Variants in MAP7 observed in about 807,000 individuals in gnomAD.
MAP7 encodes microtubule associated protein 7.
Under a neutral mutation model 94.8 loss-of-function variants are expected in MAP7, and 52 were observed. The ratio of observed to expected loss-of-function variants is 0.55; its 90% CI spans 0.44 to 0.69. The LOEUF is 0.69. Ranked by LOEUF, MAP7 falls within the 30% of genes least tolerant of loss-of-function variation. The pLI is 0.00. For missense variants in MAP7, 940 were observed against 964.6 expected, an observed-to-expected ratio of 0.97 and a Z score of 0.34; for synonymous variants, 350 against 357.0, an observed-to-expected ratio of 0.98 and a Z score of 0.22.
intron 1 of MAP7, among the ~76,000 whole-genome samples, chr6:136,453,061 T>C (rs1162899030): frequency 6.6e-6 from 1 of 152,200 alleles, no homozygotes; most frequent in Non-Finnish European, 1.5e-5. Flanking sequence ...TCAGTTGGTA[T>C]TCCCTAGGCA....
chr6:136,489,530 T>TA, intron 1 of MAP7, among the ~76,000 whole-genome samples: 1 of 137,160 alleles, frequency 7.3e-6, no homozygotes, highest in Admixed American at 7.3e-5. Context: ...AGGTTTCTTT[T>TA]TTTTTTTTTT....
intron 1 of MAP7, among the ~76,000 whole-genome samples, chr6:136,518,952 T>C (rs1207580825): frequency 1.3e-5 from 2 of 152,362 alleles, no homozygotes; most frequent in South Asian, 2.1e-4. Flanking sequence ...TTTAGTTTTA[T>C]ATAGCAAGCA....
rs2179289 is a variant in MAP7 at position 136,387,536 on chromosome 6, T to C, written c.526+857A>G. Among the ~76,000 whole-genome samples, 1,106 of 152,250 alleles carry C rather than the reference T, an allele frequency of 7.3e-3. 20 individuals are homozygous for C. Among genetic ancestry groups the C allele is most frequent in the East Asian group, 0.039 (204 of 5,182 alleles). On this transcript the variant is annotated intron_variant, in intron 5 of 17. Coordinates refer to ENST00000354570, the MANE Select transcript of MAP7 (RefSeq NM_003980.6). ...CATGCGTTGATGACTAAGGTGGTGATGCTTCAGCTATTGATGCATCGGCCC... is the reference window on the plus strand; with the variant it reads ...CATGCGTTGATGACTAAGGTGGTGACGCTTCAGCTATTGATGCATCGGCCC...
chr6:136,365,789 C>G lies in MAP7; in HGVS notation c.1219G>C (p.Val407Leu). 1 of 1,614,138 alleles carries G rather than the reference C, an allele frequency of 6.2e-7. No individual in the cohort carries two copies. The highest frequency in any genetic ancestry group is 8.5e-7 in the Non-Finnish European group (1 of 1,180,044). The change falls in exon 10 of 18, where the codon GTA (valine) becomes CTA (leucine). Residue 407 changes from valine (V) to leucine (L), a missense_variant. Coordinates refer to ENST00000354570, the MANE Select transcript of MAP7 (RefSeq NM_003980.6). ...SLKGRAPLVK[V>L]EEATVEERTP... ...CGCTCTTCAACTGTGGCTTCTTCTACCTTCACTAAAGGTGCTCTGCCCTTT... is the reference window on the plus strand; with the variant it reads ...CGCTCTTCAACTGTGGCTTCTTCTAGCTTCACTAAAGGTGCTCTGCCCTTT...
At chr6:136,354,437 T>TATATATAGATATATATAAAA (rs1790258623) in intron 16 of MAP7, among the ~76,000 whole-genome samples, 1 of 143,700 alleles carries the variant, frequency 7.0e-6, no homozygotes, top group African/African-American at 2.6e-5. Context: ...ATAGTAGATA[T>TATATATAGATATATATAAAA]ATATATATAG....
intron 1 of MAP7, among the ~76,000 whole-genome samples, chr6:136,454,272 G>GATCGATCGATCTATCTATCTATCT (rs1554258958): frequency 1.4e-5 from 2 of 141,350 alleles, no homozygotes; most frequent in African/African-American, 5.4e-5. Flanking sequence ...CTACCTAAAT[G>GATCGATCGATCTATCTATCTATCT]ATCTATCTAT....
intron 8 of MAP7, among the ~76,000 whole-genome samples, chr6:136,370,306 G>A (rs1774055897): frequency 6.6e-6 from 1 of 152,192 alleles, no homozygotes; most frequent in South Asian, 2.1e-4. Context: ...AAATCTTTGT[G>A]CACTGTTAGT....
intron 1 of MAP7, among the ~76,000 whole-genome samples, chr6:136,458,256 G>A (rs142823863): frequency 2.6e-5 from 4 of 152,102 alleles, no homozygotes; most frequent in Admixed American, 6.6e-5. Flanking sequence ...ATCATAAAAC[G>A]TTGATTAAAG....
intron 13 of MAP7, 57 bp from the exon 14 acceptor site, chr6:136,360,088 G>T: frequency 1.5e-6 from 2 of 1,367,994 alleles, no homozygotes; most frequent in Admixed American, 2.0e-5. Flanking sequence ...AGCCAGCCTG[G>T]CATATTTAAC....
rs1426488352 is a variant in MAP7 at position 136,485,786 on chromosome 6, T to C, written c.68-63987A>G. On this transcript the variant is annotated intron_variant, in intron 1 of 17. Coordinates refer to ENST00000354570, the MANE Select transcript of MAP7 (RefSeq NM_003980.6). Reference sequence around the variant, plus strand: ...ACCATTTTAACCGGGATGGTCTCGATCTCCTGACCTCGTGATCCGCCCGCC... The same window carrying C: ...ACCATTTTAACCGGGATGGTCTCGACCTCCTGACCTCGTGATCCGCCCGCC... 1.3e-5 allele frequency among the ~76,000 whole-genome samples: 2 copies of C among 151,860 alleles called. 1 individual carries two copies. The highest frequency in any genetic ancestry group is 1.3e-4 in the Admixed American group (2 of 15,254).
intron 3 of MAP7, among the ~76,000 whole-genome samples, chr6:136,407,156 T>A (rs1390529230): frequency 6.6e-6 from 1 of 152,176 alleles, no homozygotes; most frequent in African/African-American, 2.4e-5. Flanking sequence ...CACTGAAGAT[T>A]GTAGAGTAAG....
intron 2 of MAP7, among the ~76,000 whole-genome samples, chr6:136,419,150 A>G (rs768405852): frequency 7.9e-5 from 12 of 152,246 alleles, no homozygotes; most frequent in Non-Finnish European, 1.5e-4. Context: ...GTTCTGTGTT[A>G]GAATGACCTA....
chr6:136,390,032 C>T (rs1461155621), intron 3 of MAP7, among the ~76,000 whole-genome samples: 1 of 152,192 alleles, frequency 6.6e-6, no homozygotes, highest in Non-Finnish European at 1.5e-5. Context: ...AAGGACCGAA[C>T]AAGCAGGTGG....
At chr6:136,415,649 C>T (rs1582846644) in intron 2 of MAP7, among the ~76,000 whole-genome samples, 1 of 152,170 alleles carries the variant, frequency 6.6e-6, no homozygotes, top group Non-Finnish European at 1.5e-5. Flanking sequence ...TAGTTTTTCT[C>T]TGATTTCTAT....
rs1415692853 is a variant in MAP7 at position 136,360,993 on chromosome 6, G to A, written c.1701+12C>T. The A allele has an allele frequency of 1.9e-6, 3 of 1,560,742 alleles. No individual in the cohort carries two copies. Among genetic ancestry groups the A allele is most frequent in the Admixed American group, 1.9e-5 (1 of 52,402 alleles). On this transcript the variant is annotated intron_variant, in intron 12 of 17. Transcript: ENST00000354570. ...GGACTGGGGCCGGGGCCAGGGTGGG[G>A]TGCGGCCGCACCTGCCTCTGGGCGC...
At chr6:136,545,379 A>T (rs558952887) in intron 1 of MAP7, 2 of 152,292 alleles carry the variant, frequency 1.3e-5, no homozygotes, top group East Asian at 1.9e-4. Flanking sequence ...CTTTGCTTTC[A>T]TTAGCTAAAG....
At chr6:136,540,617 A>G (rs1829229824) in intron 1 of MAP7, among the ~76,000 whole-genome samples, 1 of 152,208 alleles carries the variant, frequency 6.6e-6, no homozygotes, top group Non-Finnish European at 1.5e-5. Context: ...TAAACTCACT[A>G]GACTTAGGGC....
chr6:136,389,488 C>A lies in MAP7; in HGVS notation c.274G>T (p.Glu92Ter). ...AAREIVWLER[E>*]ERARQHYEKH... Reference sequence around the variant, plus strand: ...TCGTAGTGCTGCCTGGCTCGCTCTTCTCTTTCTAACCACACTATTTCTCTT... The same window carrying A: ...TCGTAGTGCTGCCTGGCTCGCTCTTATCTTTCTAACCACACTATTTCTCTT... The change falls in exon 4 of 18, where the codon GAA (glutamate) becomes TAA (stop). Residue 92 changes from glutamate (E) to a stop codon, truncating the protein, a stop_gained. Coordinates refer to ENST00000354570, the MANE Select transcript of MAP7 (RefSeq NM_003980.6). LOFTEE classifies it high-confidence loss of function. The A allele has an allele frequency of 6.2e-7, 1 of 1,609,938 alleles. No individual in the cohort carries two copies. The highest frequency in any genetic ancestry group is 8.5e-7 in the Non-Finnish European group (1 of 1,179,216).
intron 1 of MAP7, among the ~76,000 whole-genome samples, chr6:136,429,413 T>C (rs1281036758): frequency 6.6e-6 from 1 of 152,214 alleles, no homozygotes; most frequent in Non-Finnish European, 1.5e-5. Flanking sequence ...TTATACTGCA[T>C]GGAGGAAAGA....
Sources: gnomAD v4.1 joint callset for allele counts (sites outside exome capture counted in the v4.1 genomes callset) on GRCh38, gnomAD v4.1.1 for gene constraint, MANE v1.5 for transcripts, NCBI Gene and HGNC (gene_info 2026-07-23, HGNC 2026-07-21) for gene names.